The following RUNX1T1 variants were observed in gnomAD, a reference collection of about 807,000 sequenced individuals.
RUNX1T1 encodes protein CBFA2T1.
A neutral mutation model predicts 62.8 loss-of-function variants in RUNX1T1; 4 were observed. That is an observed-to-expected ratio of 0.06 (90% CI 0.03 to 0.15). The LOEUF (loss-of-function observed/expected upper bound fraction) is 0.15. RUNX1T1 is among the 10% of genes least tolerant of loss of function. RUNX1T1 has a pLI of 1.00. For synonymous variants in RUNX1T1, 291 were observed against 286.0 expected (o/e 1.02, Z -0.18); for missense variants, 508 against 754.3 (o/e 0.67, Z 3.82).
chr8:91,992,309 C>T (rs1817840651), intron 5 of RUNX1T1, among the ~76,000 whole-genome samples: 1 of 152,156 alleles, frequency 6.6e-6, no homozygotes, highest in Admixed American at 6.5e-5. Context: ...TAAGGTACAC[C>T]TATTCCACTT....
intron 1 of RUNX1T1, among the ~76,000 whole-genome samples, chr8:92,077,285 T>C (rs2130787320): frequency 6.6e-6 from 1 of 152,182 alleles, no homozygotes; most frequent in South Asian, 2.1e-4. Flanking sequence ...GCAAAGATCA[T>C]TAAAGACAAT....
At chr8:91,972,417 ATTATATTAAGCCG>A (rs1050898192) in intron 9 of RUNX1T1, among the ~76,000 whole-genome samples, 1 of 152,144 alleles carries the variant, frequency 6.6e-6, no homozygotes, top group African/African-American at 2.4e-5. Flanking sequence ...TATTAACTAA[ATTATATTAAGCCG>A]TTGTTAGCTG....
At chr8:91,979,887 A>T (rs1814831880) in intron 8 of RUNX1T1, 1 of 530,736 alleles carries the variant, frequency 1.9e-6, no homozygotes, top group African/African-American at 1.9e-5. Flanking sequence ...ATGACCCAGG[A>T]CAGCAATGCT....
chr8:92,022,293 G>A (rs1824272686), intron 1 of RUNX1T1, among the ~76,000 whole-genome samples: 1 of 152,068 alleles, frequency 6.6e-6, no homozygotes, highest in African/African-American at 2.4e-5. Flanking sequence ...ACAGAGAGAG[G>A]ATAGAATGTA....
At chr8:92,050,300 C>T (rs928298302) in intron 1 of RUNX1T1, among the ~76,000 whole-genome samples, 1 of 152,108 alleles carries the variant, frequency 6.6e-6, no homozygotes, top group Non-Finnish European at 1.5e-5. Context: ...TTAAGTGCTA[C>T]TATCATGGTA....
At chr8:92,069,602 G>A (rs1587456252) in intron 2 of RUNX1T1, among the ~76,000 whole-genome samples, 2 of 152,112 alleles carry the variant, frequency 1.3e-5, no homozygotes, top group Non-Finnish European at 2.9e-5. Context: ...TATTACAAAT[G>A]TTCACTCCAA....
intron 1 of RUNX1T1, among the ~76,000 whole-genome samples, chr8:92,044,378 GA>G (rs1226834536): frequency 6.6e-6 from 1 of 152,202 alleles, no homozygotes; most frequent in African/African-American, 2.4e-5. Flanking sequence ...AGTTCTCACA[GA>G]AAGGTAGGTG....
chr8:92,024,497 CAAAAAAAAA>C (rs34547904), intron 1 of RUNX1T1, among the ~76,000 whole-genome samples: 505 of 17,544 alleles, frequency 0.029, 9 homozygotes, highest in African/African-American at 0.086. Flanking sequence ...AACCCCAACT[CAAAAAAAAA>C]AAAAAAAAAA....
chr8:91,969,044 A>G (rs1013539198), intron 10 of RUNX1T1, among the ~76,000 whole-genome samples: 3 of 151,916 alleles, frequency 2.0e-5, no homozygotes, highest in Non-Finnish European at 2.9e-5. Context: ...TGGTAATGCT[A>G]TATTAAAGAT....
intron 1 of RUNX1T1, among the ~76,000 whole-genome samples, chr8:92,056,977 T>C (rs1207013397): frequency 1.3e-5 from 2 of 152,200 alleles, no homozygotes; most frequent in Non-Finnish European, 2.9e-5. Flanking sequence ...AAATTTATGA[T>C]TTCTTTTTTG....
intron 1 of RUNX1T1, among the ~76,000 whole-genome samples, chr8:92,049,745 A>G (rs140909510): frequency 2.2e-4 from 33 of 152,324 alleles, no homozygotes; most frequent in African/African-American, 7.9e-4. Context: ...CTATTTAGAT[A>G]TTCAATCCCC....
intron 8 of RUNX1T1, chr8:91,979,652 A>G: frequency 3.5e-6 from 1 of 287,076 alleles, no homozygotes; most frequent in South Asian, 5.3e-5. Flanking sequence ...AGCCTCTTGA[A>G]AATAATTCAC....
At chr8:92,023,994 A>C (rs565878421) in intron 1 of RUNX1T1, among the ~76,000 whole-genome samples, 1 of 152,282 alleles carries the variant, frequency 6.6e-6, no homozygotes, top group East Asian at 1.9e-4. Context: ...CCAGCAACTA[A>C]CAGGCAGAAA....
intron 5 of RUNX1T1, 57 bp downstream of exon 6, chr8:92,005,059 C>T: frequency 3.5e-6 from 5 of 1,434,170 alleles, no homozygotes; most frequent in South Asian, 1.4e-5. Flanking sequence ...AATGTTTCCT[C>T]ATGCCACAGG....
intron 5 of RUNX1T1, among the ~76,000 whole-genome samples, chr8:92,000,478 T>C (rs1403820649): frequency 2.0e-5 from 3 of 152,128 alleles, no homozygotes; most frequent in Admixed American, 6.5e-5. Flanking sequence ...ATTTTTTTCA[T>C]AGAAAACCGA....
intron 1 of RUNX1T1, among the ~76,000 whole-genome samples, chr8:92,025,983 C>T (rs1671284669): frequency 6.6e-6 from 1 of 152,078 alleles, no homozygotes; most frequent in South Asian, 2.1e-4. Context: ...TGATCTATGG[C>T]CTCTAAAAAC....
intron 2 of RUNX1T1, among the ~76,000 whole-genome samples, chr8:92,015,686 TAAGTC>T (rs2131150072): frequency 6.6e-6 from 1 of 152,366 alleles, no homozygotes; most frequent in East Asian, 1.9e-4. Context: ...TTTATCATGT[TAAGTC>T]AATTAATTTG....
intron 1 of RUNX1T1, among the ~76,000 whole-genome samples, chr8:92,018,305 A>G (rs976623119): frequency 2.0e-5 from 3 of 152,264 alleles, no homozygotes; most frequent in Non-Finnish European, 2.9e-5. Flanking sequence ...ATAAACATTT[A>G]AAAGTTGAAA....
At chr8:92,011,625 G>C (rs1381660679) in intron 3 of RUNX1T1, among the ~76,000 whole-genome samples, 1 of 152,168 alleles carries the variant, frequency 6.6e-6, no homozygotes, top group Non-Finnish European at 1.5e-5. Context: ...AAGTTGGGTA[G>C]TGTGCTATGC....
Sources: allele counts gnomAD v4.1 joint callset (sites outside exome capture counted in the v4.1 genomes callset), GRCh38; gene constraint gnomAD v4.1.1; transcripts MANE v1.5; gene names NCBI Gene and HGNC (gene_info 2026-07-23, HGNC 2026-07-21).